FBLN1: variants seen among roughly 807,000 people sequenced by gnomAD.
The protein encoded by FBLN1 is fibulin 1.
A neutral mutation model predicts 89.7 loss-of-function variants in FBLN1; 34 were observed. The observed-to-expected ratio is 0.38, with a 90% CI of 0.29 to 0.50. FBLN1 has a LOEUF of 0.50. FBLN1 is among the 20% of genes least tolerant of loss of function. The pLI is 0.92. For missense variants in FBLN1, 777 were observed against 988.1 expected (o/e 0.79, Z 2.86); for synonymous variants, 393 against 391.3 (o/e 1.00, Z -0.05).
chr22:45,568,471 C>T (rs371392928), intron 14 of FBLN1, among the ~76,000 whole-genome samples: 1 of 104,180 alleles, frequency 9.6e-6, no homozygotes, highest in East Asian at 2.8e-4. Context: ...GGGGAGTGCT[C>T]CTTCTGTAGG....
At chr22:45,596,160 C>A (rs943127457) in intron 16 of FBLN1, among the ~76,000 whole-genome samples, 1 of 152,238 alleles carries the variant, frequency 6.6e-6, no homozygotes, top group Non-Finnish European at 1.5e-5. Context: ...TGAGCCACTA[C>A]GCCCGGCCAA....
At chr22:45,554,989 C>A (rs1016202356) in intron 14 of FBLN1, among the ~76,000 whole-genome samples, 1 of 149,588 alleles carries the variant, frequency 6.7e-6, no homozygotes, top group Non-Finnish European at 1.5e-5. Context: ...GACCCGTCCC[C>A]GTCTCCACCA....
chr22:45,560,814 TTAGTC>T (rs1202620887), intron 14 of FBLN1, among the ~76,000 whole-genome samples: 12 of 152,148 alleles, frequency 7.9e-5, no homozygotes, highest in East Asian at 1.9e-4. Context: ...CGCCAGGACT[TTAGTC>T]TAGTTATAGG....
In FBLN1 at chr22:45,590,379, C is replaced by A. The variant is rs927810278; in HGVS notation, c.1973-9928C>A. ...TGAACTCGTCCTGCCCTTCGTGGCC[C>A]CCTCACCTTGGGGGATTGCAAGGGG... On this transcript the variant is annotated intron_variant, in intron 16 of 16. Transcript: ENST00000327858. The surrounding 1 kb of genome is among the most constrained non-coding windows in gnomAD (Gnocchi z 4.1). Among the ~76,000 whole-genome samples the A allele has an allele frequency of 6.6e-6, 1 of 152,220 alleles. No homozygotes were observed. Among genetic ancestry groups the A allele is most frequent in the Admixed American group, 6.5e-5 (1 of 15,286 alleles).
intron 14 of FBLN1, among the ~76,000 whole-genome samples, chr22:45,573,573 C>G (rs2088968088): frequency 6.9e-6 from 1 of 144,118 alleles, no homozygotes; most frequent in Non-Finnish European, 1.5e-5. Flanking sequence ...CCCAGCTACT[C>G]AGGAGGCTGA....
In FBLN1 at chr22:45,547,721, C is replaced by T. The variant is rs570835389; in HGVS notation, c.1441+517C>T. Among the ~76,000 whole-genome samples the T allele has an allele frequency of 1.9e-4, 29 of 152,194 alleles. No homozygotes were observed. In the South Asian group the frequency reaches 5.8e-3, roughly 31 times the overall value. On this transcript the variant is annotated intron_variant, in intron 12 of 16. Coordinates refer to ENST00000327858, the MANE Select transcript of FBLN1 (RefSeq NM_006486.3). The stretch of plus-strand genomic sequence containing the variant: ...GGCCCCCAACTGAAATTCTAATATA[C>T]TTTTCCCATCCTTAAGCGTGAGGGT...
At chr22:45,599,253 C>G (rs1385941288) in intron 16 of FBLN1, among the ~76,000 whole-genome samples, 5 of 152,230 alleles carry the variant, frequency 3.3e-5, no homozygotes, top group Non-Finnish European at 5.9e-5. Flanking sequence ...CCAGAACTGA[C>G]ACCAGTCTCC....
At position 45,542,192 on chromosome 22, in the gene FBLN1, G is replaced by A; in HGVS notation, c.1104G>A (p.Gly368=). 5 of 1,614,228 alleles carry A rather than the reference G, an allele frequency of 3.1e-6. No individual in the cohort carries two copies. Among genetic ancestry groups the A allele is most frequent in the Non-Finnish European group, 4.2e-6 (5 of 1,180,048 alleles). The stretch of plus-strand genomic sequence containing the variant: ...GCGCGCCACCTGCTGAGCCCTGTGG[G>A]AAGGGACATCGCTGCGTGAACTCTC... ...DECAPPAEPC[G]KGHRCVNSPG... Residue 368 remains glycine (G), a synonymous_variant, in exon 10 of 17, where the codon GGG becomes GGA. Transcript: ENST00000327858.
intron 1 of FBLN1, among the ~76,000 whole-genome samples, chr22:45,509,725 G>A (rs1193167490): frequency 1.3e-5 from 2 of 152,082 alleles, no homozygotes; most frequent in Non-Finnish European, 2.9e-5. Flanking sequence ...GGGTGCAGGT[G>A]GGGGTTGGGT....
intron 16 of FBLN1, among the ~76,000 whole-genome samples, chr22:45,585,590 C>T (rs549325780): frequency 2.7e-4 from 41 of 152,336 alleles, no homozygotes; most frequent in Admixed American, 2.0e-3. Flanking sequence ...TTCTGGGAGA[C>T]ACAGCCCTGT....
chr22:45,587,639 T>C (rs527931597), intron 16 of FBLN1, among the ~76,000 whole-genome samples: 1 of 152,206 alleles, frequency 6.6e-6, no homozygotes, highest in East Asian at 1.9e-4. Flanking sequence ...CACCCAGATC[T>C]ACCAACTGGC....
chr22:45,600,807 T>C lies in FBLN1; in HGVS notation c.*361T>C, dbSNP rs1300067060. On this transcript the variant is annotated 3_prime_UTR_variant, in exon 17 of 17. Transcript: ENST00000327858. ...AAAAGAAGACCAGTTCTTGCCCTGA[T>C]TGTATGAAATTTGACATTTTGGCAC... 1.8e-5 allele frequency: 6 copies of C among 331,986 alleles called. No individual in the cohort carries two copies. Among genetic ancestry groups the C allele is most frequent in the Admixed American group, 1.4e-4 (3 of 21,838 alleles). The allele number at this position is 331,986 out of a possible 1,614,324, so 20.6% of individuals were successfully genotyped here.
chr22:45,588,248 G>A lies in FBLN1; in HGVS notation c.1972+11140G>A, dbSNP rs1397925764. On this transcript the variant is annotated intron_variant, in intron 16 of 16. Coordinates refer to ENST00000327858, the MANE Select transcript of FBLN1 (RefSeq NM_006486.3). This position sits in a 1 kb window ranked among gnomAD's most constrained non-coding sequence, Gnocchi z 5.1. Reference sequence around the variant, plus strand: ...ACCCACACAGAGATCTGGAGGAAGAGGGCTCCAGGCAGAGGGAATGGCAGA... The same window carrying A: ...ACCCACACAGAGATCTGGAGGAAGAAGGCTCCAGGCAGAGGGAATGGCAGA... Among the ~76,000 whole-genome samples, 1 of 152,162 alleles carries A rather than the reference G, an allele frequency of 6.6e-6. No individual in the cohort carries two copies. The highest frequency in any genetic ancestry group is 6.5e-5 in the Admixed American group (1 of 15,280).
chr22:45,511,539 C>T (rs777244566), intron 1 of FBLN1, among the ~76,000 whole-genome samples: 3 of 150,108 alleles, frequency 2.0e-5, no homozygotes, highest in East Asian at 2.0e-4. Flanking sequence ...CTCTGCCTCC[C>T]GGGTTCAAGT....
At chr22:45,517,020 C>T (rs533809066) in intron 1 of FBLN1, among the ~76,000 whole-genome samples, 1 of 152,204 alleles carries the variant, frequency 6.6e-6, no homozygotes, top group Non-Finnish European at 1.5e-5. Flanking sequence ...ATCTGAAGGA[C>T]GCATAGTCTA....
intron 1 of FBLN1, among the ~76,000 whole-genome samples, chr22:45,508,605 AG>A (rs1324108419): frequency 2.0e-5 from 3 of 152,024 alleles, no homozygotes; most frequent in East Asian, 1.9e-4. Flanking sequence ...AGTCTAGTTC[AG>A]GGGGGGATGC....
chr22:45,546,361 T>C (rs529676648), intron 11 of FBLN1, among the ~76,000 whole-genome samples: 38 of 152,210 alleles, frequency 2.5e-4, no homozygotes, highest in African/African-American at 8.4e-4. Context: ...TGACTACAGG[T>C]GCGTGCCACC....
At chr22:45,573,304 G>A (rs780672159) in intron 14 of FBLN1, among the ~76,000 whole-genome samples, 20 of 151,912 alleles carry the variant, frequency 1.3e-4, no homozygotes, top group Non-Finnish European at 2.6e-4. Context: ...GGACTTAAAA[G>A]GCAGAGCAAA....
intron 1 of FBLN1, among the ~76,000 whole-genome samples, chr22:45,509,204 T>G (rs1277377394): frequency 6.6e-6 from 1 of 152,086 alleles, no homozygotes; most frequent in Non-Finnish European, 1.5e-5. Flanking sequence ...CAGGAGGCCC[T>G]TGGAGCAGGG....
Sources: gnomAD v4.1 joint callset for allele counts (sites outside exome capture counted in the v4.1 genomes callset) on GRCh38, gnomAD v4.1.1 for gene constraint, Gnocchi (gnomAD v3.1) non-coding constraint, MANE v1.5 for transcripts, NCBI Gene and HGNC (gene_info 2026-07-23, HGNC 2026-07-21) for gene names.